The following FAM13A variants were observed in gnomAD, a reference collection of about 807,000 sequenced individuals.
FAM13A encodes the protein protein FAM13A.
FAM13A carries 76 observed loss-of-function variants against 129.6 expected under a neutral mutation model. The ratio of observed to expected loss-of-function variants is 0.59; its 90% confidence interval spans 0.49 to 0.71. FAM13A has a LOEUF of 0.71. Ranked by LOEUF, FAM13A falls within the 30% of genes least tolerant of loss-of-function variation. FAM13A has a pLI of 0.00. For synonymous variants in FAM13A, 443 were observed against 449.9 expected, an observed-to-expected ratio of 0.98 and a Z score of 0.20; for missense variants, 1,108 against 1,249.3, an observed-to-expected ratio of 0.89 and a Z score of 1.70.
chr4:89,006,461 A>G (rs13129885), intron 3 of FAM13A, among the ~76,000 whole-genome samples: 57,955 of 152,164 alleles, frequency 0.38, 12,081 homozygotes, highest in Middle Eastern at 0.54. Flanking sequence ...GACTTGCAAC[A>G]GGGGTGTGGC....
At chr4:88,847,265 C>T (rs1166512350) in intron 7 of FAM13A, among the ~76,000 whole-genome samples, 1 of 152,126 alleles carries the variant, frequency 6.6e-6, no homozygotes, top group East Asian at 1.9e-4. Context: ...TGCCTGTAAT[C>T]CCAGCACTTT....
intron 11 of FAM13A, among the ~76,000 whole-genome samples, chr4:88,780,608 G>A (rs578162913): frequency 6.6e-6 from 1 of 152,160 alleles, no homozygotes; most frequent in Non-Finnish European, 1.5e-5. Flanking sequence ...ACTATGTATT[G>A]AATTAAGGAT....
intron 23 of FAM13A, chr4:88,729,406 T>C (rs1737149010): frequency 3.3e-5 from 5 of 152,230 alleles, no homozygotes; most frequent in Admixed American, 2.0e-4. Flanking sequence ...TTATGGGAAA[T>C]TGCACATGGC....
Position 88,851,087 on chromosome 4 carries a change from A to C in FAM13A, c.940T>G (p.Tyr314Asp). Residue 314 changes from tyrosine (Y) to aspartate (D), a missense_variant, in exon 7 of 24, where the codon TAT (tyrosine) becomes GAT (aspartate). This residue lies in a region of FAM13A where 566 missense variants were observed against 595.7 expected (regional missense o/e 0.95). Transcript: ENST00000264344. ...GIPQLSLRLS[Y>D]RKACLEDMNS... ...ATGTCTTCCAAGCAGGCTTTTCTAT[A>C]ACTTAGCCGCAAGCTGAGCTGAGGA... The C allele has an allele frequency of 1.2e-6, 2 of 1,614,080 alleles. No homozygotes were observed. Among genetic ancestry groups the C allele is most frequent in the Middle Eastern group, 3.3e-4 (2 of 6,058 alleles).
At chr4:88,915,603 A>G (rs1430505191) in intron 5 of FAM13A, among the ~76,000 whole-genome samples, 3 of 152,212 alleles carry the variant, frequency 2.0e-5, no homozygotes, top group African/African-American at 7.2e-5. Context: ...GCAACCAGTC[A>G]TTTCCATGTA....
chr4:88,804,584 A>C (rs1728183221), intron 8 of FAM13A, among the ~76,000 whole-genome samples: 2 of 152,252 alleles, frequency 1.3e-5, no homozygotes, highest in South Asian at 4.1e-4. Context: ...AAACTTGCTG[A>C]ATATTTAGTT....
intron 1 of FAM13A, among the ~76,000 whole-genome samples, chr4:89,038,363 A>T (rs1769663032): frequency 6.6e-6 from 1 of 152,172 alleles, no homozygotes; most frequent in South Asian, 2.1e-4. Flanking sequence ...TAATAAATCT[A>T]ACAAGGAATG....
At chr4:89,029,074 G>C (rs1467397769) in intron 2 of FAM13A, among the ~76,000 whole-genome samples, 5 of 152,120 alleles carry the variant, frequency 3.3e-5, no homozygotes, top group Non-Finnish European at 7.4e-5. Context: ...ATAAGTTCAT[G>C]ATTGACCTCA....
intron 4 of FAM13A, among the ~76,000 whole-genome samples, chr4:88,965,410 A>G (rs1015141224): frequency 2.6e-5 from 4 of 152,236 alleles, no homozygotes; most frequent in Non-Finnish European, 4.4e-5. Context: ...AAGGTCAGAC[A>G]TCGGGACAGA....
intron 7 of FAM13A, among the ~76,000 whole-genome samples, chr4:88,849,857 T>C (rs1393971871): frequency 6.6e-6 from 1 of 152,210 alleles, no homozygotes; most frequent in Non-Finnish European, 1.5e-5. Context: ...CTGGCCTCAC[T>C]CCACCTTTCC....
At chr4:89,002,184 A>C (rs368330774) in intron 3 of FAM13A, among the ~76,000 whole-genome samples, 17,684 of 151,048 alleles carry the variant, frequency 0.12, 1,259 homozygotes, top group African/African-American at 0.2. Context: ...GGCAAAAAAA[A>C]AAAAAAAAAA....
chr4:89,031,988 G>T (rs1262855466), intron 1 of FAM13A, among the ~76,000 whole-genome samples: 5 of 152,118 alleles, frequency 3.3e-5, no homozygotes, highest in African/African-American at 1.2e-4. Flanking sequence ...GGGAGGCCGA[G>T]GTGGGCGGAT....
At chr4:88,876,347 A>G (rs1348826959) in intron 6 of FAM13A, among the ~76,000 whole-genome samples, 1 of 152,140 alleles carries the variant, frequency 6.6e-6, no homozygotes, top group Non-Finnish European at 1.5e-5. Flanking sequence ...AAGAAAAAAA[A>G]TGAACAGCAA....
intron 6 of FAM13A, among the ~76,000 whole-genome samples, chr4:88,896,257 C>A (rs974636158): frequency 2.5e-5 from 3 of 120,580 alleles, no homozygotes; most frequent in Non-Finnish European, 3.2e-5. Context: ...ACATCACACT[C>A]TGGGGACTGT....
chr4:88,777,174 C>G (rs58589124), intron 11 of FAM13A, among the ~76,000 whole-genome samples: 1 of 152,120 alleles, frequency 6.6e-6, no homozygotes, highest in African/African-American at 2.4e-5. Context: ...AGGAAGTGTG[C>G]ATGTGTAAGT....
chr4:89,030,153 G>A (rs1332848627), intron 1 of FAM13A, among the ~76,000 whole-genome samples: 1 of 151,968 alleles, frequency 6.6e-6, no homozygotes, highest in African/African-American at 2.4e-5. Context: ...GATTACATCT[G>A]TAAATATCTC....
chr4:89,019,310 A>G (rs1219320997), intron 3 of FAM13A, among the ~76,000 whole-genome samples: 1 of 152,198 alleles, frequency 6.6e-6, no homozygotes, highest in Non-Finnish European at 1.5e-5. Context: ...TAGCACCCTT[A>G]ATCTGGCAAC....
chr4:88,852,640 C>T (rs1028879480), intron 6 of FAM13A, among the ~76,000 whole-genome samples: 3 of 152,152 alleles, frequency 2.0e-5, no homozygotes, highest in Non-Finnish European at 4.4e-5. Flanking sequence ...TATTGTTTAT[C>T]TCTTTCTCTC....
intron 6 of FAM13A, among the ~76,000 whole-genome samples, chr4:88,881,928 C>G (rs1227623893): frequency 6.6e-6 from 1 of 150,882 alleles, no homozygotes; most frequent in Non-Finnish European, 1.5e-5. Context: ...CCAACAGAGA[C>G]AAAGAAAAAA....
Sources: gnomAD v4.1 joint callset for allele counts (sites outside exome capture counted in the v4.1 genomes callset) on GRCh38, gnomAD v4.1.1 for gene constraint, gnomAD v4.1.1 regional missense constraint, MANE v1.5 for transcripts, NCBI Gene and HGNC (gene_info 2026-07-23, HGNC 2026-07-21) for gene names.